The following AP1G1 variants were observed in gnomAD, a reference collection of about 807,000 sequenced individuals.
AP1G1 encodes AP-1 complex subunit gamma-1.
Under a neutral mutation model 108.3 loss-of-function variants are expected in AP1G1, and 7 were observed. The ratio of observed to expected loss-of-function variants is 0.06; its 90% CI spans 0.04 to 0.12. The LOEUF is 0.12. AP1G1 is among the 10% of genes least tolerant of loss of function. The probability of loss-of-function intolerance (pLI) is 1.00; values close to 1 mark genes in which losing one functional copy is unlikely to be tolerated. For synonymous variants in AP1G1, 379 were observed against 353.5 expected (o/e 1.07, Z -0.81); for missense variants, 756 against 1,010.7 (o/e 0.75, Z 3.42).
At chr16:71,807,947 T>A in intron 1 of AP1G1, 3 of 1,263,252 alleles carry the variant, frequency 2.4e-6, no homozygotes, top group Non-Finnish European at 3.1e-6. Context: ...AGAAAACATT[T>A]GACAGCTCTT....
intron 21 of AP1G1, among the ~76,000 whole-genome samples, chr16:71,737,147 C>G (rs529326510): frequency 1.3e-5 from 2 of 152,164 alleles, no homozygotes; most frequent in African/African-American, 4.8e-5. Context: ...ATTATCACCA[C>G]CCTCTTTGCA....
At chr16:71,788,667 T>TA (rs398058359) in intron 2 of AP1G1, among the ~76,000 whole-genome samples, 6 of 136,764 alleles carry the variant, frequency 4.4e-5, no homozygotes, top group Non-Finnish European at 6.5e-5. Flanking sequence ...CTTTTTTTTT[T>TA]AAAAAAAAAA....
At chr16:71,768,031 G>C in intron 6 of AP1G1, 2 of 790,460 alleles carry the variant, frequency 2.5e-6, no homozygotes, top group South Asian at 3.3e-5. Flanking sequence ...AAGAACTCCT[G>C]TTAGAGCCTT....
chr16:71,800,718 G>A (rs747844486), intron 1 of AP1G1, among the ~76,000 whole-genome samples: 8 of 151,728 alleles, frequency 5.3e-5, no homozygotes, highest in African/African-American at 7.3e-5. Context: ...GGAGAATGGC[G>A]TGAACCTGGG....
At chr16:71,774,871 C>G (rs1448550496) in intron 2 of AP1G1, among the ~76,000 whole-genome samples, 1 of 151,932 alleles carries the variant, frequency 6.6e-6, no homozygotes, top group Non-Finnish European at 1.5e-5. Flanking sequence ...CAGGAATTAG[C>G]CACCATGCCT....
intron 1 of AP1G1, chr16:71,807,701 C>T (rs2033041804): frequency 2.6e-6 from 2 of 771,720 alleles, no homozygotes; most frequent in African/African-American, 1.8e-5. Context: ...AAGATCATTA[C>T]TGTACAAACA....
chr16:71,761,454 C>G (rs2031080705), intron 10 of AP1G1, 58 bp downstream of exon 10: 1 of 1,208,258 alleles, frequency 8.3e-7, no homozygotes, highest in East Asian at 2.3e-5. Flanking sequence ...AGCAGAATCG[C>G]TCTTAAAATA....
chr16:71,730,910 A>C lies in AP1G1; in HGVS notation c.*2148T>G, dbSNP rs2045469563. ...CCATTAGCTGACAGTGTCTTATAGC[A>C]TGGTCTTGAACAGATTTCTTCAGAG... On this transcript the variant is annotated 3_prime_UTR_variant, in exon 23 of 23. Transcript: ENST00000299980. The C allele has an allele frequency of 6.6e-6, 1 of 152,408 alleles. No individual in the cohort carries two copies. Among genetic ancestry groups the C allele is most frequent in the South Asian group, 2.1e-4 (1 of 4,836 alleles). 9.4% of individuals were successfully genotyped at this position (152,408 alleles called of 1,614,324 possible).
At chr16:71,792,217 C>A (rs1416263748) in intron 1 of AP1G1, among the ~76,000 whole-genome samples, 1 of 152,126 alleles carries the variant, frequency 6.6e-6, no homozygotes, top group African/African-American at 2.4e-5. Flanking sequence ...AAGATGTCTA[C>A]ACAGGAGTTT....
intron 2 of AP1G1, chr16:71,777,721 C>T: frequency 2.2e-6 from 1 of 448,084 alleles, no homozygotes; most frequent in Non-Finnish European, 4.6e-6. Context: ...GCCCGTTCTC[C>T]TCCTCCTCCA....
chr16:71,743,419 C>T (rs146708699), intron 19 of AP1G1: 1 of 152,010 alleles, frequency 6.6e-6, no homozygotes, highest in African/African-American at 2.4e-5. Context: ...TTAAAGAAGA[C>T]AGCAAAACCC....
At chr16:71,790,990 G>A (rs1424354394) in intron 1 of AP1G1, among the ~76,000 whole-genome samples, 2 of 152,276 alleles carry the variant, frequency 1.3e-5, no homozygotes, top group Non-Finnish European at 2.9e-5. Flanking sequence ...GGAGGCCAAG[G>A]CAGGCAGATC....
At chr16:71,761,331 T>A (rs933315466) in intron 10 of AP1G1, among the ~76,000 whole-genome samples, 181 bp downstream of exon 10, 5 of 152,202 alleles carry the variant, frequency 3.3e-5, no homozygotes, top group Admixed American at 2.0e-4. Flanking sequence ...TAGGAATATA[T>A]GCCATGAGAT....
intron 6 of AP1G1, among the ~76,000 whole-genome samples, chr16:71,767,685 G>T (rs1465952478): frequency 1.3e-5 from 2 of 152,198 alleles, no homozygotes; most frequent in Non-Finnish European, 2.9e-5. Context: ...GCTGACTTTG[G>T]AGTCAGGAGT....
intron 12 of AP1G1, among the ~76,000 whole-genome samples, chr16:71,754,114 C>T (rs1336813143): frequency 6.6e-6 from 1 of 151,932 alleles, no homozygotes; most frequent in Non-Finnish European, 1.5e-5. Context: ...TGGTGGGTGC[C>T]TGTAGTTCAG....
intron 18 of AP1G1, 54 bp from the exon 19 acceptor site, chr16:71,745,324 A>T: frequency 1.2e-6 from 2 of 1,606,170 alleles, no homozygotes; most frequent in Non-Finnish European, 1.7e-6. Context: ...TCTAGTATAC[A>T]TCTAATGCAA....
At chr16:71,748,687 C>T (rs1567644008) in intron 15 of AP1G1, among the ~76,000 whole-genome samples, 1 of 152,168 alleles carries the variant, frequency 6.6e-6, no homozygotes, top group Non-Finnish European at 1.5e-5. Context: ...AAAAGAAAAA[C>T]ATACAGAGTT....
intron 9 of AP1G1, 29 bp from the exon 10 acceptor site, chr16:71,761,596 TAGGAAAA>T: frequency 6.5e-7 from 1 of 1,548,970 alleles, no homozygotes; most frequent in Non-Finnish European, 8.9e-7. Context: ...GGTCGAAATT[TAGGAAAA>T]TGGAAGTTTT....
rs1279291565 is a variant in AP1G1 at position 71,732,395 on chromosome 16, C to A, written c.*663G>T. 1 of 152,612 alleles carries A rather than the reference C, an allele frequency of 6.6e-6. No homozygotes were observed. Among genetic ancestry groups the A allele is most frequent in the Non-Finnish European group, 1.5e-5 (1 of 68,068 alleles). The allele number at this position is 152,612 out of a possible 1,614,324, so 9.5% of individuals were successfully genotyped here. A position where few individuals can be genotyped will look rare whatever the true frequency, so the allele number is the denominator to read the frequency against. On this transcript the variant is annotated 3_prime_UTR_variant, in exon 23 of 23. Transcript: ENST00000299980. ...TTTAACTCCATCTGTCCAGTGTTTACAAATAAACTCGCAAGGTCTGACCAG... is the reference window on the plus strand; with the variant it reads ...TTTAACTCCATCTGTCCAGTGTTTAAAAATAAACTCGCAAGGTCTGACCAG...
Sources: gnomAD v4.1 joint callset for allele counts (sites outside exome capture counted in the v4.1 genomes callset) on GRCh38, gnomAD v4.1.1 for gene constraint, MANE v1.5 for transcripts, NCBI Gene and HGNC (gene_info 2026-07-23, HGNC 2026-07-21) for gene names.